Variants in DCTN4 observed in about 807,000 individuals in gnomAD.
The protein encoded by DCTN4 is dynactin subunit 4.
A neutral mutation model predicts 62.7 loss-of-function variants in DCTN4; 23 were observed. That is an observed-to-expected ratio of 0.37 (90% CI 0.26 to 0.52). DCTN4 has a LOEUF of 0.52. Ranked by LOEUF, DCTN4 falls within the 20% of genes least tolerant of loss-of-function variation. DCTN4 has a pLI of 0.92. For missense variants in DCTN4, 514 were observed against 580.4 expected (o/e 0.89, Z 1.18); for synonymous variants, 199 against 202.1 (o/e 0.98, Z 0.13).
chr5:150,729,454 T>C (rs561484081), intron 8 of DCTN4, among the ~76,000 whole-genome samples: 2 of 152,256 alleles, frequency 1.3e-5, no homozygotes, highest in Non-Finnish European at 2.9e-5. Context: ...GTTTCATTTA[T>C]ACTCTTACCC....
At chr5:150,750,520 A>C (rs1265639577) in intron 3 of DCTN4, among the ~76,000 whole-genome samples, 1 of 152,208 alleles carries the variant, frequency 6.6e-6, no homozygotes, top group Admixed American at 6.5e-5. Context: ...TCCAGCAGCT[A>C]TATTTTTTCA....
At chr5:150,731,923 T>C (rs1442077768) in intron 5 of DCTN4, 3 of 1,551,336 alleles carry the variant, frequency 1.9e-6, no homozygotes, top group East Asian at 2.4e-5. Flanking sequence ...AGCCCCAAAA[T>C]AGCAGCAGGT....
At chr5:150,747,014 T>C (rs200612201) in intron 3 of DCTN4, among the ~76,000 whole-genome samples, 22,632 of 151,708 alleles carry the variant, frequency 0.15, 3,035 homozygotes, top group African/African-American at 0.36. Context: ...TGTTTGCAGA[T>C]GACATGATTG....
intron 5 of DCTN4, among the ~76,000 whole-genome samples, chr5:150,732,631 G>A (rs943617484): frequency 6.6e-6 from 1 of 152,134 alleles, no homozygotes; most frequent in Non-Finnish European, 1.5e-5. Context: ...CATGTAAAGT[G>A]TTTATTTAGC....
In DCTN4 at chr5:150,732,269, C is replaced by A. The variant is rs377185181; in HGVS notation, c.538-780G>T. Reference sequence around the variant, plus strand: ...GGTTCAAGCGATTCTCATGCCTCAGCCTCCCAAGTAGCTGAGATTATAGGC... The same window carrying A: ...GGTTCAAGCGATTCTCATGCCTCAGACTCCCAAGTAGCTGAGATTATAGGC... On this transcript the variant is annotated intron_variant, in intron 5 of 12. Coordinates refer to ENST00000447998, the MANE Select transcript of DCTN4 (RefSeq NM_016221.4). Among the ~76,000 whole-genome samples the A allele has an allele frequency of 4.7e-4, 71 of 152,298 alleles. 2 individuals carry two copies. The South Asian group carries it at 0.012, about 26-fold the overall frequency.
intron 9 of DCTN4, among the ~76,000 whole-genome samples, chr5:150,720,836 CTT>C (rs1482900147): frequency 6.6e-6 from 1 of 152,192 alleles, no homozygotes; most frequent in Non-Finnish European, 1.5e-5. Flanking sequence ...AAAAAAATCA[CTT>C]TTTCTCAAAG....
chr5:150,710,013 G>A lies in DCTN4; in HGVS notation c.*1136C>T, dbSNP rs1345945034. 1 of 152,272 alleles carries A rather than the reference G, an allele frequency of 6.6e-6. No individual in the cohort carries two copies. Among genetic ancestry groups the A allele is most frequent in the African/African-American group, 2.4e-5 (1 of 41,414 alleles). 9.4% of individuals were successfully genotyped at this position (152,272 alleles called of 1,614,324 possible). On this transcript the variant is annotated 3_prime_UTR_variant, in exon 13 of 13. Transcript: ENST00000447998. ...AAGTCTGCTGTTAGGCCAGAACTGTGGGCTACTTGCTGAACTATTTTATGG... is the reference window on the plus strand; with the variant it reads ...AAGTCTGCTGTTAGGCCAGAACTGTAGGCTACTTGCTGAACTATTTTATGG...
At chr5:150,733,236 C>CGTTT (rs1760450662) in intron 5 of DCTN4, 132 bp downstream of exon 5, 5 of 581,718 alleles carry the variant, frequency 8.6e-6, no homozygotes. Flanking sequence ...TGGACTTAAA[C>CGTTT]GTCTATAATT....
At chr5:150,727,755 G>A (rs1178500217) in intron 8 of DCTN4, among the ~76,000 whole-genome samples, 3 of 121,716 alleles carry the variant, frequency 2.5e-5, no homozygotes, top group South Asian at 5.3e-4. Flanking sequence ...CAGCCTGGGC[G>A]ACAGAGCGAG....
At chr5:150,732,035 A>G (rs1199393361) in intron 5 of DCTN4, 7 of 809,706 alleles carry the variant, frequency 8.6e-6, no homozygotes, top group South Asian at 2.9e-5. Context: ...TTCAAATTCT[A>G]CCTCTAAATA....
At chr5:150,732,178 C>A (rs1045949734) in intron 5 of DCTN4, among the ~76,000 whole-genome samples, 5 of 152,166 alleles carry the variant, frequency 3.3e-5, no homozygotes, top group Non-Finnish European at 7.3e-5. Context: ...GAGACAGAGT[C>A]TCACTCCGTC....
chr5:150,745,688 A>T (rs1234326776), intron 3 of DCTN4, among the ~76,000 whole-genome samples: 2 of 152,224 alleles, frequency 1.3e-5, no homozygotes, highest in Non-Finnish European at 2.9e-5. Context: ...CTCCTGAATG[A>T]CTGCTGGGTA....
rs1187380829 is a variant in DCTN4, at chr5:150,753,514, G to A, written c.350C>T (p.Thr117Met). 6.2e-6 allele frequency: 10 copies of A among 1,613,954 alleles called. No homozygotes were observed. In the East Asian group the frequency reaches 6.7e-5, roughly 11 times the overall value. ...YYLACGFCRWTSRDVGMADKS... is the reference protein window; with the variant it reads ...YYLACGFCRWMSRDVGMADKS... ...GTCTGCCATGCCCACATCTCTAGAC[G>A]TCCAGCGACAAAATCCACATGCCAG... The change falls in exon 3 of 13, where the codon ACG becomes ATG. Residue 117 changes from threonine (T) to methionine (M), a missense_variant. Transcript: ENST00000447998.
rs567303677 is a variant in DCTN4 at position 150,737,417 on chromosome 5, C to G, written c.430-3942G>C. ...GAAAACTGAAATTATATGAAGTACT[C>G]GCTCAGACAGCAGTGGAATAAAATG... On this transcript the variant is annotated intron_variant, in intron 4 of 12. Coordinates refer to ENST00000447998, the MANE Select transcript of DCTN4 (RefSeq NM_016221.4). Among the ~76,000 whole-genome samples, 8 of 152,244 alleles carry G rather than the reference C, an allele frequency of 5.3e-5. No homozygotes were observed. In the South Asian group the frequency reaches 1.5e-3, roughly 28 times the overall value.
chr5:150,726,928 C>A (rs943590616), intron 8 of DCTN4, among the ~76,000 whole-genome samples: 1 of 152,118 alleles, frequency 6.6e-6, no homozygotes, highest in East Asian at 1.9e-4. Flanking sequence ...GTAATTGTGA[C>A]CACAAAGCAT....
chr5:150,719,874 A>C (rs1415280373), intron 9 of DCTN4, 104 bp from the exon 10 acceptor site: 2 of 691,792 alleles, frequency 2.9e-6, no homozygotes, highest in African/African-American at 3.8e-5. Context: ...TGTTAATTAG[A>C]ATGTATCAGA....
intron 10 of DCTN4, among the ~76,000 whole-genome samples, chr5:150,718,761 G>A (rs1759860078): frequency 6.6e-6 from 1 of 152,162 alleles, no homozygotes; most frequent in African/African-American, 2.4e-5. Flanking sequence ...CCAGTCAGAT[G>A]CATGAACAGA....
chr5:150,719,782 T>A lies in DCTN4; in HGVS notation c.909-12A>T. Reference sequence around the variant, plus strand: ...CTGGAATATAATTGCTGTGCATAAATAAAAAAATGCATTAATGTTCATTGG... The same window carrying A: ...CTGGAATATAATTGCTGTGCATAAAAAAAAAAATGCATTAATGTTCATTGG... On this transcript the variant is annotated splice_polypyrimidine_tract_variant and intron_variant, in intron 9 of 12. Transcript: ENST00000447998. The A allele has an allele frequency of 1.9e-6, 3 of 1,580,946 alleles. No individual in the cohort carries two copies. The highest frequency in any genetic ancestry group is 2.6e-6 in the Non-Finnish European group (3 of 1,153,138).
intron 5 of DCTN4, chr5:150,731,802 A>C: frequency 7.8e-7 from 1 of 1,283,684 alleles, no homozygotes; most frequent in African/African-American, 1.5e-5. Context: ...AGTGTCTAAG[A>C]TACACAACAG....
Sources: allele counts gnomAD v4.1 joint callset (sites outside exome capture counted in the v4.1 genomes callset), GRCh38; gene constraint gnomAD v4.1.1; transcripts MANE v1.5; gene names NCBI Gene and HGNC (gene_info 2026-07-23, HGNC 2026-07-21).